ADAM18: variants seen among roughly 807,000 people sequenced by gnomAD.
ADAM18 encodes ADAM metallopeptidase domain 18, also known as disintegrin and metalloproteinase domain-containing protein 18.
A neutral mutation model predicts 94.4 loss-of-function variants in ADAM18; 117 were observed. That is an observed-to-expected ratio of 1.24 (90% CI 1.07 to 1.45). ADAM18 has a LOEUF of 1.45. ADAM18 is among the 40% of genes most tolerant of loss of function. ADAM18 has a pLI of 0.00. For synonymous variants in ADAM18, 327 were observed against 291.6 expected, an observed-to-expected ratio of 1.12 and a Z score of -1.24; for missense variants, 936 against 880.0, an observed-to-expected ratio of 1.06 and a Z score of -0.81.
chr8:39,622,271 ATATAT>A (rs1330069372), intron 6 of ADAM18, among the ~76,000 whole-genome samples: 5 of 149,530 alleles, frequency 3.3e-5, no homozygotes, highest in African/African-American at 9.8e-5. Flanking sequence ...ATTATATGTA[ATATAT>A]TATGTATATT....
At chr8:39,682,386 A>T (rs1164223380) in intron 16 of ADAM18, among the ~76,000 whole-genome samples, 1 of 152,218 alleles carries the variant, frequency 6.6e-6, no homozygotes, top group Non-Finnish European at 1.5e-5. Context: ...ACAAAATGAA[A>T]GGAGGCTATC....
chr8:39,697,730 T>G (rs900494924), intron 17 of ADAM18, among the ~76,000 whole-genome samples: 3 of 151,768 alleles, frequency 2.0e-5, no homozygotes, highest in Admixed American at 1.3e-4. Flanking sequence ...ATAAGTGTTT[T>G]TTTGAATGTT....
chr8:39,601,303 G>A (rs1818896346), intron 2 of ADAM18, among the ~76,000 whole-genome samples: 1 of 152,238 alleles, frequency 6.6e-6, no homozygotes, highest in Non-Finnish European at 1.5e-5. Context: ...CAATGTGGCA[G>A]GGGCCAGGTG....
chr8:39,689,940 T>C (rs1821723759), intron 16 of ADAM18, among the ~76,000 whole-genome samples: 1 of 152,188 alleles, frequency 6.6e-6, no homozygotes, highest in African/African-American at 2.4e-5. Context: ...TTCCTAGGTA[T>C]TCTGTGTGTG....
At chr8:39,657,699 T>C (rs915377798) in intron 12 of ADAM18, among the ~76,000 whole-genome samples, 21 of 152,170 alleles carry the variant, frequency 1.4e-4, no homozygotes, top group African/African-American at 4.8e-4. Context: ...CAATCTCTTC[T>C]AGAAGTGTAT....
intron 6 of ADAM18, among the ~76,000 whole-genome samples, chr8:39,618,035 T>C (rs1300526319): frequency 2.6e-5 from 4 of 152,178 alleles, no homozygotes; most frequent in Admixed American, 2.6e-4. Flanking sequence ...ACAAGACCTA[T>C]TTGACGCCTC....
intron 14 of ADAM18, among the ~76,000 whole-genome samples, chr8:39,669,903 A>T (rs1157525239): frequency 6.6e-6 from 1 of 152,158 alleles, no homozygotes; most frequent in Non-Finnish European, 1.5e-5. Context: ...GACTTCCACA[A>T]TGGTTGAACT....
intron 6 of ADAM18, among the ~76,000 whole-genome samples, chr8:39,616,436 C>T (rs952191742): frequency 6.6e-6 from 1 of 152,066 alleles, no homozygotes; most frequent in African/African-American, 2.4e-5. Flanking sequence ...GTTAAAATGA[C>T]AGTGCATCCC....
At position 39,677,443 on chromosome 8, in the gene ADAM18, C is replaced by T. The variant is rs758265669; in HGVS notation, c.1538C>T (p.Ala513Val). Residue 513 changes from alanine (A) to valine (V), a missense_variant, in exon 15 of 20, where the codon GCT (alanine) becomes GTT (valine). By Grantham distance (64) the Ala-to-Val change is moderately conservative (BLOSUM62 0). Coordinates refer to ENST00000265707, the MANE Select transcript of ADAM18 (RefSeq NM_014237.3). Reference sequence around the variant, plus strand: ...TTTGCATTTTAAGGTGCTCAAGGTGCTCCATTTGCCTGTTTTAAAGAAGTT... The same window carrying T: ...TTTGCATTTTAAGGTGCTCAAGGTGTTCCATTTGCCTGTTTTAAAGAAGTT... ...AKIFGKGAQG[A>V]PFACFKEVNS... The T allele has an allele frequency of 7.5e-6, 12 of 1,604,378 alleles. No individual in the cohort carries two copies. The highest frequency in any genetic ancestry group is 1.1e-5 in the South Asian group (1 of 88,416).
intron 17 of ADAM18, among the ~76,000 whole-genome samples, chr8:39,700,799 A>T (rs1822045759): frequency 6.6e-6 from 1 of 152,198 alleles, no homozygotes; most frequent in South Asian, 2.1e-4. Flanking sequence ...ACTTAGAATA[A>T]TTGATTATAT....
chr8:39,593,026 CT>C (rs1219706142), intron 2 of ADAM18, among the ~76,000 whole-genome samples: 1 of 152,170 alleles, frequency 6.6e-6, no homozygotes, highest in Non-Finnish European at 1.5e-5. Context: ...TTGGGACTTG[CT>C]GCATCACCTT....
intron 14 of ADAM18, among the ~76,000 whole-genome samples, chr8:39,673,857 T>C (rs1031124197): frequency 2.6e-5 from 4 of 152,222 alleles, no homozygotes; most frequent in East Asian, 1.9e-4. Context: ...AACATCTTTA[T>C]TTCTGCCTTC....
intron 12 of ADAM18, among the ~76,000 whole-genome samples, chr8:39,661,178 A>C (rs886249620): frequency 1.8e-5 from 2 of 110,166 alleles, no homozygotes; most frequent in East Asian, 2.5e-4. Flanking sequence ...TTTTTGAGGG[A>C]GTCTCGGTTT....
At chr8:39,709,025 G>A (rs1424453255) in intron 18 of ADAM18, among the ~76,000 whole-genome samples, 8 of 152,196 alleles carry the variant, frequency 5.3e-5, no homozygotes, top group Admixed American at 6.5e-5. Context: ...TTCATGTGAG[G>A]TGGTAGCTCT....
intron 7 of ADAM18, among the ~76,000 whole-genome samples, chr8:39,630,928 G>A (rs941114587): frequency 6.6e-5 from 10 of 151,946 alleles, no homozygotes; most frequent in Non-Finnish European, 1.3e-4. Context: ...CATTTTAGTG[G>A]ATATATAGTG....
intron 14 of ADAM18, among the ~76,000 whole-genome samples, chr8:39,672,052 G>A (rs530203722): frequency 6.6e-6 from 1 of 151,608 alleles, no homozygotes; most frequent in East Asian, 1.9e-4. Context: ...CTACTAGGAT[G>A]GCTTCCAGCA....
intron 2 of ADAM18, among the ~76,000 whole-genome samples, chr8:39,592,398 A>G (rs1480609545): frequency 6.6e-6 from 1 of 152,216 alleles, no homozygotes; most frequent in Non-Finnish European, 1.5e-5. Context: ...TTGTATGTTT[A>G]TTGCAGCACT....
intron 10 of ADAM18, among the ~76,000 whole-genome samples, chr8:39,641,119 C>T (rs1040569438): frequency 1.3e-5 from 2 of 152,054 alleles, no homozygotes; most frequent in Non-Finnish European, 2.9e-5. Flanking sequence ...CATAGCTTGT[C>T]TTCCAGGGTT....
chr8:39,678,732 A>G (rs556308806), intron 15 of ADAM18, among the ~76,000 whole-genome samples: 9 of 152,314 alleles, frequency 5.9e-5, no homozygotes, highest in African/African-American at 2.2e-4. Flanking sequence ...AACCTGGAAG[A>G]AATTGTGAAA....
Sources: gnomAD v4.1 joint callset for allele counts (sites outside exome capture counted in the v4.1 genomes callset) on GRCh38, gnomAD v4.1.1 for gene constraint, MANE v1.5 for transcripts, NCBI Gene and HGNC (gene_info 2026-07-23, HGNC 2026-07-21) for gene names.